The following TSHZ2 variants were observed in gnomAD, a reference collection of about 807,000 sequenced individuals.
The protein encoded by TSHZ2 is teashirt homolog 2.
TSHZ2 carries 21 observed loss-of-function variants against 74.4 expected under a neutral mutation model. That is an observed-to-expected ratio of 0.28 (90% CI 0.20 to 0.41). TSHZ2 has a LOEUF of 0.41. TSHZ2 is among the 10% of genes least tolerant of loss of function. The probability of loss-of-function intolerance (pLI) is 1.00; values close to 1 mark genes in which losing one functional copy is unlikely to be tolerated. For synonymous variants in TSHZ2, 540 were observed against 515.3 expected (o/e 1.05, Z -0.65); for missense variants, 1,244 against 1,293.5 (o/e 0.96, Z 0.59).
chr20:53,265,380 G>T (rs1990692410), intron 2 of TSHZ2, among the ~76,000 whole-genome samples: 1 of 152,116 alleles, frequency 6.6e-6, no homozygotes, highest in Admixed American at 6.5e-5. Context: ...AGGGGTGTTG[G>T]AGGTGAGCAG....
chr20:52,985,295 A>G (rs1435749059), intron 1 of TSHZ2, among the ~76,000 whole-genome samples: 1 of 152,092 alleles, frequency 6.6e-6, no homozygotes, highest in Admixed American at 6.5e-5. Flanking sequence ...GACCTAATAA[A>G]AGGACTCATT....
At chr20:53,388,214 G>C (rs1002016536) in intron 2 of TSHZ2, among the ~76,000 whole-genome samples, 2 of 152,162 alleles carry the variant, frequency 1.3e-5, no homozygotes, top group Non-Finnish European at 2.9e-5. Context: ...TCCCATAAGA[G>C]ACAGCATCTT....
At chr20:53,271,477 G>T (rs1032333027) in intron 2 of TSHZ2, among the ~76,000 whole-genome samples, 8 of 152,222 alleles carry the variant, frequency 5.3e-5, no homozygotes, top group Non-Finnish European at 1.2e-4. Context: ...CTAGAATTGA[G>T]GCTGGGTGAA....
intron 1 of TSHZ2, among the ~76,000 whole-genome samples, chr20:53,189,491 T>C (rs540605001): frequency 1.4e-4 from 22 of 152,336 alleles, no homozygotes; most frequent in Middle Eastern, 3.4e-3. Context: ...CACATGGTTG[T>C]TACAAGAATT....
chr20:52,979,431 A>G (rs886887376), intron 1 of TSHZ2, among the ~76,000 whole-genome samples: 2 of 152,192 alleles, frequency 1.3e-5, no homozygotes, highest in Non-Finnish European at 2.9e-5. Flanking sequence ...CGTCTCCAGC[A>G]GTGTGGCCGT....
chr20:53,457,887 C>A (rs1985169858), intron 2 of TSHZ2, among the ~76,000 whole-genome samples: 1 of 150,554 alleles, frequency 6.6e-6, no homozygotes, highest in Admixed American at 6.6e-5. Context: ...ATTGAACCAG[C>A]CTTGCATCCC....
At chr20:53,053,705 G>C (rs1483739009) in intron 1 of TSHZ2, among the ~76,000 whole-genome samples, 2 of 152,116 alleles carry the variant, frequency 1.3e-5, no homozygotes, top group Non-Finnish European at 2.9e-5. Context: ...AGACTCTTTG[G>C]AAATAGCGCA....
chr20:53,416,004 G>A (rs1312608799), intron 2 of TSHZ2, among the ~76,000 whole-genome samples: 1 of 152,178 alleles, frequency 6.6e-6, no homozygotes, highest in Non-Finnish European at 1.5e-5. Context: ...CTGTCAGGAG[G>A]GTCATGGAGC....
chr20:53,241,283 C>T (rs1259506109), intron 1 of TSHZ2, among the ~76,000 whole-genome samples: 1 of 152,128 alleles, frequency 6.6e-6, no homozygotes, highest in Non-Finnish European at 1.5e-5. Flanking sequence ...TTTCCAAGTA[C>T]TGCTTCATGT....
chr20:53,034,153 A>G (rs969928594), intron 1 of TSHZ2, among the ~76,000 whole-genome samples: 1 of 152,192 alleles, frequency 6.6e-6, no homozygotes, highest in Non-Finnish European at 1.5e-5. Flanking sequence ...CGTGGGAAAC[A>G]ATAGACAGAG....
At chr20:53,069,384 T>C (rs1985095976) in intron 1 of TSHZ2, among the ~76,000 whole-genome samples, 1 of 152,118 alleles carries the variant, frequency 6.6e-6, no homozygotes, top group Non-Finnish European at 1.5e-5. Flanking sequence ...GTCCACATGG[T>C]TAGAATTCCA....
chr20:53,366,445 C>G (rs1314112864), intron 2 of TSHZ2, among the ~76,000 whole-genome samples: 1 of 152,170 alleles, frequency 6.6e-6, no homozygotes, highest in African/African-American at 2.4e-5. Flanking sequence ...TTTGTGTGTG[C>G]CAATACGCAG....
At chr20:53,448,798 T>C (rs1250998185) in intron 2 of TSHZ2, among the ~76,000 whole-genome samples, 1 of 152,196 alleles carries the variant, frequency 6.6e-6, no homozygotes, top group Non-Finnish European at 1.5e-5. Context: ...TATAATTTGA[T>C]GTTTCTCTGG....
At chr20:53,420,277 G>A (rs114416463) in intron 2 of TSHZ2, among the ~76,000 whole-genome samples, 2,238 of 152,320 alleles carry the variant, frequency 0.015, 61 homozygotes, top group African/African-American at 0.05. Context: ...CAGAGAAGGC[G>A]GAAAAGGTGT....
At chr20:53,023,478 C>T (rs1983318521) in intron 1 of TSHZ2, among the ~76,000 whole-genome samples, 1 of 152,142 alleles carries the variant, frequency 6.6e-6, no homozygotes, top group Non-Finnish European at 1.5e-5. Context: ...TGGCAATTTA[C>T]ATTTTTAGCC....
At chr20:53,080,634 C>T (rs1288256479) in intron 1 of TSHZ2, among the ~76,000 whole-genome samples, 1 of 152,172 alleles carries the variant, frequency 6.6e-6, no homozygotes, top group African/African-American at 2.4e-5. Flanking sequence ...ATACACAGTT[C>T]ACAACAGGGT....
At chr20:53,208,100 A>G (rs948215486) in intron 1 of TSHZ2, among the ~76,000 whole-genome samples, 84 of 152,310 alleles carry the variant, frequency 5.5e-4, no homozygotes, top group African/African-American at 1.9e-3. Context: ...CCTTGTTGGC[A>G]TGACAGTTCT....
intron 1 of TSHZ2, among the ~76,000 whole-genome samples, chr20:53,199,334 C>A (rs770313998): frequency 1.3e-5 from 2 of 151,870 alleles, no homozygotes; most frequent in Non-Finnish European, 1.5e-5. Flanking sequence ...ATCAGCCAGG[C>A]GTGGTGGCAC....
intron 1 of TSHZ2, among the ~76,000 whole-genome samples, chr20:52,994,264 G>A (rs1156752861): frequency 6.6e-6 from 1 of 152,184 alleles, no homozygotes; most frequent in African/African-American, 2.4e-5. Context: ...CACCCAGTGA[G>A]GTCTCAGGAA....
Sources: allele counts gnomAD v4.1 joint callset (sites outside exome capture counted in the v4.1 genomes callset), GRCh38; gene constraint gnomAD v4.1.1; transcripts MANE v1.5; gene names NCBI Gene and HGNC (gene_info 2026-07-23, HGNC 2026-07-21).